SH3PXD2B: variants seen among roughly 807,000 people sequenced by gnomAD.
SH3PXD2B encodes SH3 and PX domain-containing protein 2B.
In SH3PXD2B, 37 loss-of-function variants were observed where a neutral mutation model predicts 73.1. That is an observed-to-expected ratio of 0.51 (90% confidence interval 0.39 to 0.67). The LOEUF is 0.67. SH3PXD2B is among the 30% of genes least tolerant of loss of function. SH3PXD2B has a pLI of 0.00. For synonymous variants in SH3PXD2B, 457 were observed against 480.5 expected, an observed-to-expected ratio of 0.95 and a Z score of 0.64; for missense variants, 1,053 against 1,197.8, an observed-to-expected ratio of 0.88 and a Z score of 1.78.
intron 1 of SH3PXD2B, among the ~76,000 whole-genome samples, chr5:172,453,845 G>A (rs1759859543): frequency 6.6e-6 from 1 of 152,172 alleles, no homozygotes; most frequent in African/African-American, 2.4e-5. Flanking sequence ...CCTGTGGCTG[G>A]GGACTGCGGG....
intron 1 of SH3PXD2B, among the ~76,000 whole-genome samples, chr5:172,438,706 G>C (rs867136445): frequency 1.3e-5 from 2 of 152,096 alleles, no homozygotes; most frequent in African/African-American, 2.4e-5. Flanking sequence ...GAATACCCAG[G>C]AGTGATTTAA....
At chr5:172,416,929 G>C (rs1263407978) in intron 2 of SH3PXD2B, among the ~76,000 whole-genome samples, 1 of 151,826 alleles carries the variant, frequency 6.6e-6, no homozygotes, top group Non-Finnish European at 1.5e-5. Flanking sequence ...GACTGGTCTT[G>C]AATTTCTGGG....
rs1561896753 is a variant in SH3PXD2B at position 172,348,671 on chromosome 5, C to CTATCTATCTTATCT, written c.1013-1340_1013-1339insAGATAAGATAGATA. ...CTATCTATCCTATCTATCTATCTATCTATCTATCTATCTATCTATCTATCT... is the reference window on the plus strand; with the variant it reads ...CTATCTATCCTATCTATCTATCTATCTATCTATCTTATCTTATCTATCTATCTATCTATCTATCT... On this transcript the variant is annotated intron_variant, in intron 10 of 12. Coordinates refer to ENST00000311601, the MANE Select transcript of SH3PXD2B (RefSeq NM_001017995.3). 2.5e-3 allele frequency among the ~76,000 whole-genome samples: 138 copies of CTATCTATCTTATCT among 55,616 alleles called. 3 individuals are homozygous for CTATCTATCTTATCT. In the Middle Eastern group the frequency reaches 0.041, roughly 16 times the overall value. 36.5% of individuals were successfully genotyped at this position (55,616 alleles called of 152,430 possible).
intron 6 of SH3PXD2B, among the ~76,000 whole-genome samples, chr5:172,372,536 T>C (rs1243457252): frequency 1.3e-5 from 2 of 152,132 alleles, no homozygotes; most frequent in Admixed American, 6.5e-5. Flanking sequence ...TACAGAAGTG[T>C]GAGAATGAAC....
intron 7 of SH3PXD2B, among the ~76,000 whole-genome samples, chr5:172,359,116 G>A (rs938885082): frequency 6.6e-6 from 1 of 152,152 alleles, no homozygotes; most frequent in Non-Finnish European, 1.5e-5. Context: ...CAACAATAAA[G>A]AGGCAGGGCA....
At position 172,336,333 on chromosome 5, in the gene SH3PXD2B, G is replaced by C. The variant is rs1369279023; in HGVS notation, c.*2036C>G. On this transcript the variant is annotated 3_prime_UTR_variant, in exon 13 of 13. Transcript: ENST00000311601. ...TCTCAAGGGAGGGGACCCTCAAGCG[G>C]TGGCGGCCCTTCCCCACCTCCCTTC... The C allele has an allele frequency of 1.3e-5, 13 of 985,546 alleles. No homozygotes were observed. Among genetic ancestry groups the C allele is most frequent in the African/African-American group, 1.7e-5 (1 of 57,264 alleles). The allele number at this position is 985,546 out of a possible 1,614,324, so 61.1% of individuals were successfully genotyped here.
At chr5:172,396,732 A>C (rs1758310170) in intron 3 of SH3PXD2B, among the ~76,000 whole-genome samples, 2 of 150,836 alleles carry the variant, frequency 1.3e-5, no homozygotes, top group Admixed American at 6.6e-5. Flanking sequence ...GGATAACCTG[A>C]GGTCAGGAAT....
chr5:172,404,764 CATT>C (rs914722789), intron 3 of SH3PXD2B, among the ~76,000 whole-genome samples: 17 of 152,316 alleles, frequency 1.1e-4, no homozygotes, highest in African/African-American at 2.6e-4. Context: ...TTAGTACCAT[CATT>C]ATCTCCAATT....
rs939964238 is a variant in SH3PXD2B, at chr5:172,335,903, G to C, written c.*2466C>G. 1 of 1,207,160 alleles carries C rather than the reference G, an allele frequency of 8.3e-7. No homozygotes were observed. Among genetic ancestry groups the C allele is most frequent in the African/African-American group, 1.6e-5 (1 of 63,924 alleles). 74.8% of individuals were successfully genotyped at this position (1,207,160 alleles called of 1,614,324 possible). ...GAGGACTGTGGCTTCAGTACCCGCGGGTCATGTCAGAATAATCATCATCAT... is the reference window on the plus strand; with the variant it reads ...GAGGACTGTGGCTTCAGTACCCGCGCGTCATGTCAGAATAATCATCATCAT... On this transcript the variant is annotated 3_prime_UTR_variant, in exon 13 of 13. Transcript: ENST00000311601.
At chr5:172,448,103 C>A (rs1397291832) in intron 1 of SH3PXD2B, among the ~76,000 whole-genome samples, 1 of 152,226 alleles carries the variant, frequency 6.6e-6, no homozygotes. Context: ...GTGACACAGA[C>A]ACAGTAGAGG....
chr5:172,434,284 C>T (rs568279249), intron 1 of SH3PXD2B, among the ~76,000 whole-genome samples: 1 of 152,158 alleles, frequency 6.6e-6, no homozygotes, highest in African/African-American at 2.4e-5. Flanking sequence ...AAGATTTAAG[C>T]CAGTATCAAG....
intron 8 of SH3PXD2B, among the ~76,000 whole-genome samples, chr5:172,357,346 C>T (rs1057461328): frequency 2.6e-5 from 4 of 151,730 alleles, no homozygotes; most frequent in Non-Finnish European, 4.4e-5. Flanking sequence ...ATCACTTGAA[C>T]CCAGGAGGCG....
chr5:172,350,375 C>A lies in SH3PXD2B; in HGVS notation c.1000G>T (p.Asp334Tyr). Residue 334 changes from aspartate (D) to tyrosine (Y), a missense_variant, in exon 10 of 13, where the codon GAC becomes TAC. This residue lies in a region of SH3PXD2B where 466 missense variants were observed against 607.1 expected (regional missense o/e 0.77). Coordinates refer to ENST00000311601, the MANE Select transcript of SH3PXD2B (RefSeq NM_001017995.3). Reference sequence around the variant, plus strand: ...GGGTGTCACTCACTCTGCTTGGCGTCACCGTCGGGCACCGGGCGGCCTTCA... The same window carrying A: ...GGGTGTCACTCACTCTGCTTGGCGTAACCGTCGGGCACCGGGCGGCCTTCA... The part of the protein sequence containing the change: ...RFEGRPVPDG[D>Y]AKQRSPKMRQ... 2 of 1,613,610 alleles carry A rather than the reference C, an allele frequency of 1.2e-6. No homozygotes were observed. Among genetic ancestry groups the A allele is most frequent in the Non-Finnish European group, 1.7e-6 (2 of 1,179,970 alleles).
chr5:172,358,795 C>A lies in SH3PXD2B; in HGVS notation c.645G>T (p.Glu215Asp), dbSNP rs1581272848. Residue 215 changes from glutamate to aspartate, a missense_variant, in exon 8 of 13, where the codon GAG becomes GAT. Physicochemically the swap from Glu to Asp is conservative, Grantham distance 45. Coordinates refer to ENST00000311601, the MANE Select transcript of SH3PXD2B (RefSeq NM_001017995.3). Reference protein sequence around the residue: ...CLEGQDGVQDEFSLQPEEEEK... With the variant: ...CLEGQDGVQDDFSLQPEEEEK... ...TACCTTCTTCAGGCTGCAGAGAAAA[C>A]TCATCCTGCACCCCATCCTGGCCTT... 6.2e-7 allele frequency: 1 copy of A among 1,613,250 alleles called. No individual in the cohort carries two copies. The highest frequency in any genetic ancestry group is 8.5e-7 in the Non-Finnish European group (1 of 1,179,662).
intron 3 of SH3PXD2B, among the ~76,000 whole-genome samples, chr5:172,401,265 T>C (rs1561923903): frequency 6.6e-6 from 1 of 152,230 alleles, no homozygotes; most frequent in Non-Finnish European, 1.5e-5. Flanking sequence ...TGATCATTCA[T>C]GGGAAATGGT....
In SH3PXD2B at chr5:172,384,925, AG is replaced by A. The variant is rs1458386609; in HGVS notation, c.310-2799del. Among the ~76,000 whole-genome samples the A allele has an allele frequency of 4.6e-5, 7 of 152,228 alleles. No homozygotes were observed. In the East Asian group the frequency reaches 1.4e-3, roughly 29 times the overall value. ...CACTGTCCACCCTTCCACCCTTCTG[AG>A]GGGTGACTAAAGGGCTCACCGATTT... On this transcript the variant is annotated intron_variant, in intron 4 of 12. Transcript: ENST00000311601.
chr5:172,328,708 C>T (rs1459204700), downstream of SH3PXD2B, among the ~76,000 whole-genome samples: 1 of 152,038 alleles, frequency 6.6e-6, no homozygotes, highest in Non-Finnish European at 1.5e-5. Flanking sequence ...CGCTCACTGA[C>T]CCAGGCACAG....
At position 172,353,737 on chromosome 5, in the gene SH3PXD2B, AGAG is replaced by A. The variant is rs914520604; in HGVS notation, c.785+148_785+150del. The A allele has an allele frequency of 2.2e-5, 16 of 726,102 alleles. No homozygotes were observed. The highest frequency in any genetic ancestry group is 1.6e-4 in the African/African-American group (9 of 57,808). 45.0% of individuals were successfully genotyped at this position (726,102 alleles called of 1,614,324 possible). A position where few individuals can be genotyped will look rare whatever the true frequency, so the allele number is the denominator to read the frequency against. On this transcript the variant is annotated intron_variant, in intron 9 of 12. Coordinates refer to ENST00000311601, the MANE Select transcript of SH3PXD2B (RefSeq NM_001017995.3). This position sits in a 1 kb window ranked among gnomAD's most constrained non-coding sequence, Gnocchi z 4.3. ...GGTAGGGAGGGAGGCCACACAACACAGAGGAGAAGTATCCTTTTATGGTTCAGG... is the reference window on the plus strand; with the variant it reads ...GGTAGGGAGGGAGGCCACACAACACAGAGAAGTATCCTTTTATGGTTCAGG...
At position 172,337,887 on chromosome 5, in the gene SH3PXD2B, A is replaced by G; in HGVS notation, c.*482T>C. ...GATGAAGTTCCTTCTGGTAGCAGGC[A>G]ATTTAGGAGGAGTGAATAAAGCCAC... is the stretch of plus-strand genomic sequence containing the variant. On this transcript the variant is annotated 3_prime_UTR_variant, in exon 13 of 13. Transcript: ENST00000311601. The G allele has an allele frequency of 9.9e-7, 1 of 1,008,610 alleles. No individual in the cohort carries two copies. 62.5% of individuals were successfully genotyped at this position (1,008,610 alleles called of 1,614,324 possible).
Sources: gnomAD v4.1 joint callset for allele counts (sites outside exome capture counted in the v4.1 genomes callset) on GRCh38, gnomAD v4.1.1 for gene constraint, gnomAD v4.1.1 regional missense constraint, Gnocchi (gnomAD v3.1) non-coding constraint, MANE v1.5 for transcripts, NCBI Gene and HGNC (gene_info 2026-07-23, HGNC 2026-07-21) for gene names.